BCKDHB: variants seen among roughly 807,000 people sequenced by gnomAD.
BCKDHB encodes 2-oxoisovalerate dehydrogenase subunit beta, mitochondrial.
A neutral mutation model predicts 48.5 loss-of-function variants in BCKDHB; 41 were observed. That is an observed-to-expected ratio of 0.85 (90% CI 0.66 to 1.10). BCKDHB has a LOEUF of 1.10. BCKDHB is among the 50% of genes least tolerant of loss of function. The probability of loss-of-function intolerance (pLI) is 0.00; values close to 1 mark genes in which losing one functional copy is unlikely to be tolerated. For synonymous variants in BCKDHB, 201 were observed against 174.8 expected (o/e 1.15, Z -1.18); for missense variants, 496 against 494.2 (o/e 1.00, Z -0.03).
At chr6:80,166,946 A>G (rs78457399) in intron 3 of BCKDHB, among the ~76,000 whole-genome samples, 5,239 of 151,852 alleles carry the variant, frequency 0.035, 308 homozygotes, top group African/African-American at 0.12. Context: ...TTTTTTTGGT[A>G]TGCCTTTTTT....
intron 8 of BCKDHB, among the ~76,000 whole-genome samples, chr6:80,231,121 A>G (rs907912740): frequency 1.2e-4 from 19 of 152,234 alleles, no homozygotes; most frequent in Admixed American, 3.3e-4. Flanking sequence ...CAAGAGTGCT[A>G]TTTCAAGTCA....
intron 6 of BCKDHB, among the ~76,000 whole-genome samples, chr6:80,176,887 A>G (rs1773180980): frequency 6.6e-6 from 1 of 152,206 alleles, no homozygotes; most frequent in Non-Finnish European, 1.5e-5. Context: ...AAAGGAAGCT[A>G]TAAACCCATG....
intron 9 of BCKDHB, among the ~76,000 whole-genome samples, chr6:80,334,730 T>C (rs150030957): frequency 1.7e-4 from 26 of 152,114 alleles, no homozygotes; most frequent in African/African-American, 6.0e-4. Context: ...CCCCCTTTTC[T>C]TGTCTTTTTT....
rs566241033 is a variant in BCKDHB, at chr6:80,158,741, G to A, written c.344-8937G>A. 2.0e-5 allele frequency among the ~76,000 whole-genome samples: 3 copies of A among 152,260 alleles called. No homozygotes were observed. In the East Asian group the frequency reaches 5.8e-4, roughly 29 times the overall value. ...AGATGCCAAGCATGACCTCAGTCTA[G>A]GAAGTTCACTGCAGATAAAACAGAC... On this transcript the variant is annotated intron_variant, in intron 3 of 9. Coordinates refer to ENST00000320393, the MANE Select transcript of BCKDHB (RefSeq NM_183050.4).
chr6:80,403,097 G>A, the BCKDHB span, among the ~76,000 whole-genome samples: 2 of 151,754 alleles, frequency 1.3e-5, no homozygotes, highest in South Asian at 2.1e-4. Context: ...TATCTTTTGT[G>A]ATTCCATATG....
intron 3 of BCKDHB, among the ~76,000 whole-genome samples, chr6:80,151,083 G>T (rs1204605868): frequency 1.3e-5 from 2 of 152,034 alleles, no homozygotes; most frequent in Admixed American, 1.3e-4. Context: ...GATTAATATG[G>T]GCCAACTGTG....
At chr6:80,374,979 C>T in the BCKDHB span, among the ~76,000 whole-genome samples, 1 of 152,142 alleles carries the variant, frequency 6.6e-6, no homozygotes, top group Non-Finnish European at 1.5e-5. Flanking sequence ...AGATAGAACC[C>T]GAATCCCTTC....
rs200373023 is a variant in BCKDHB at position 80,254,903 on chromosome 6, C to CAGAT, written c.952-18228_952-18225dup. ...AGAACACATTTCTGTTATCTTCAGC[C>CAGAT]AGATAGACAGACAGACAGACAGACA... On this transcript the variant is annotated intron_variant, in intron 8 of 9. Transcript: ENST00000320393. Among the ~76,000 whole-genome samples, 773 of 152,222 alleles carry CAGAT rather than the reference C, an allele frequency of 5.1e-3. 3 individuals carry two copies. Among genetic ancestry groups the CAGAT allele is most frequent in the African/African-American group, 0.018 (729 of 41,540 alleles).
intron 8 of BCKDHB, among the ~76,000 whole-genome samples, chr6:80,217,666 T>C: frequency 6.6e-6 from 1 of 152,208 alleles, no homozygotes; most frequent in East Asian, 1.9e-4. Flanking sequence ...ACCATTTCTG[T>C]ATTTTATTCT....
chr6:80,312,272 AT>A (rs1386319006), intron 9 of BCKDHB, among the ~76,000 whole-genome samples: 1 of 152,178 alleles, frequency 6.6e-6, no homozygotes, highest in African/African-American at 2.4e-5. Context: ...TTGGGCATTG[AT>A]TCTGTATCCT....
At chr6:80,453,962 C>G in the BCKDHB span, 1 of 152,166 alleles carries the variant, frequency 6.6e-6, no homozygotes, top group African/African-American at 2.4e-5. Context: ...ACAAGCAGAA[C>G]CCTGAGAAAG....
chr6:80,168,900 G>T lies in BCKDHB; in HGVS notation c.503G>T (p.Arg168Leu), dbSNP rs749033513. ...ATTGTTAATGAAGCTGCCAAGTATCGCTATCGCTCTGGGGATCTTTTTAAC... is the reference window on the plus strand; with the variant it reads ...ATTGTTAATGAAGCTGCCAAGTATCTCTATCGCTCTGGGGATCTTTTTAAC... The part of the protein sequence containing the change: ...DQIVNEAAKY[R>L]YRSGDLFNCG... The change falls in exon 5 of 10, where the codon CGC becomes CTC. Residue 168 changes from arginine (R) to leucine (L), a missense_variant. Transcript: ENST00000320393. 3.7e-6 allele frequency: 6 copies of T among 1,613,956 alleles called. No individual in the cohort carries two copies. The highest frequency in any genetic ancestry group is 1.3e-5 in the African/African-American group (1 of 74,892).
intron 9 of BCKDHB, among the ~76,000 whole-genome samples, chr6:80,291,519 T>C (rs1020821467): frequency 1.3e-5 from 2 of 152,224 alleles, no homozygotes; most frequent in African/African-American, 4.8e-5. Flanking sequence ...AGCAAAATTA[T>C]CCCAAGTAAA....
At chr6:80,438,417 C>A in the BCKDHB span, among the ~76,000 whole-genome samples, 1 of 152,040 alleles carries the variant, frequency 6.6e-6, no homozygotes, top group Non-Finnish European at 1.5e-5. Context: ...AAATTCATGT[C>A]TTTTTACATG....
At chr6:80,394,665 A>T in the BCKDHB span, among the ~76,000 whole-genome samples, 25 of 152,298 alleles carry the variant, frequency 1.6e-4, no homozygotes, top group Admixed American at 7.8e-4. Flanking sequence ...ACAGAAACCA[A>T]GCCATTTTTA....
intron 8 of BCKDHB, among the ~76,000 whole-genome samples, chr6:80,253,349 A>G (rs1469934307): frequency 6.6e-6 from 1 of 152,170 alleles, no homozygotes; most frequent in Non-Finnish European, 1.5e-5. Flanking sequence ...TCTAGAGAGG[A>G]AGGTTGCAGG....
At chr6:80,358,041 CT>C in the BCKDHB span, among the ~76,000 whole-genome samples, 1 of 152,172 alleles carries the variant, frequency 6.6e-6, no homozygotes, top group African/African-American at 2.4e-5. Context: ...GAATTTTAGA[CT>C]AAGAAACATT....
At position 80,345,134 on chromosome 6, in the gene BCKDHB, T is replaced by C. The variant is rs1332023330; in HGVS notation, c.*1330T>C. On this transcript the variant is annotated 3_prime_UTR_variant, in exon 10 of 10. Coordinates refer to ENST00000320393, the MANE Select transcript of BCKDHB (RefSeq NM_183050.4). ...ATGCTTATCAGCCCCTTCAGTGGTG[T>C]TATTCTAACAAAATGAATACATTAC... is the stretch of plus-strand genomic sequence containing the variant. The C allele has an allele frequency of 6.6e-6, 1 of 152,218 alleles. No individual in the cohort carries two copies. Among genetic ancestry groups the C allele is most frequent in the Admixed American group, 6.5e-5 (1 of 15,282 alleles). The allele number at this position is 152,218 out of a possible 1,614,324, so 9.4% of individuals were successfully genotyped here.
chr6:80,281,539 GGTGA>G (rs547566726), intron 9 of BCKDHB, among the ~76,000 whole-genome samples: 55 of 152,292 alleles, frequency 3.6e-4, no homozygotes, highest in African/African-American at 1.2e-3. Context: ...CATTTAGACT[GGTGA>G]GTGAGTAAGT....
Sources: gnomAD v4.1 joint callset for allele counts (sites outside exome capture counted in the v4.1 genomes callset) on GRCh38, gnomAD v4.1.1 for gene constraint, MANE v1.5 for transcripts, NCBI Gene and HGNC (gene_info 2026-07-23, HGNC 2026-07-21) for gene names.